The following MCTP1 variants were observed in gnomAD, a reference collection of about 807,000 sequenced individuals.
MCTP1 encodes the protein multiple C2 and transmembrane domain containing 1, also known as multiple C2 and transmembrane domain-containing protein 1.
In MCTP1, 69 loss-of-function variants were observed where a neutral mutation model predicts 120.6. The observed-to-expected ratio is 0.57, with a 90% CI of 0.47 to 0.70. MCTP1 has a LOEUF of 0.70. Ranked by LOEUF, MCTP1 falls within the 30% of genes least tolerant of loss-of-function variation. The pLI, the probability that MCTP1 is intolerant of heterozygous loss-of-function variation, is 0.00. For missense variants in MCTP1, 1,203 were observed against 1,248.8 expected (o/e 0.96, Z 0.55); for synonymous variants, 529 against 493.1 (o/e 1.07, Z -0.96).
At chr5:94,811,462 AG>A (rs1367192619) in intron 17 of MCTP1, among the ~76,000 whole-genome samples, 1 of 152,234 alleles carries the variant, frequency 6.6e-6, no homozygotes, top group Non-Finnish European at 1.5e-5. Context: ...TTACAGTAAA[AG>A]GAAAGGCCCT....
intron 1 of MCTP1, among the ~76,000 whole-genome samples, chr5:95,265,943 G>A (rs1350758800): frequency 6.6e-6 from 1 of 152,162 alleles, no homozygotes; most frequent in Non-Finnish European, 1.5e-5. Context: ...TCTCGCTTCT[G>A]AAAGGCCCAG....
chr5:95,271,064 A>G (rs1422447909), intron 1 of MCTP1, among the ~76,000 whole-genome samples: 1 of 152,204 alleles, frequency 6.6e-6, no homozygotes, highest in Non-Finnish European at 1.5e-5. Context: ...CACACAACAA[A>G]TTTCTGGTAC....
intron 1 of MCTP1, among the ~76,000 whole-genome samples, chr5:95,260,321 CTA>C (rs1161583770): frequency 6.6e-6 from 1 of 152,286 alleles, no homozygotes; most frequent in East Asian, 1.9e-4. Context: ...CAGTCTATTC[CTA>C]TATGTTAGTT....
In MCTP1 at chr5:94,963,469, G is replaced by GT. The variant is rs1300517641; in HGVS notation, c.839-10109dup. Among the ~76,000 whole-genome samples, 704 of 121,758 alleles carry GT rather than the reference G, an allele frequency of 5.8e-3. 5 individuals carry two copies. The Middle Eastern group carries it at 0.066, about 11-fold the overall frequency. 79.9% of individuals were successfully genotyped at this position (121,758 alleles called of 152,430 possible). A position where few individuals can be genotyped will look rare whatever the true frequency, so the allele number is the denominator to read the frequency against. On this transcript the variant is annotated intron_variant, in intron 2 of 22. Coordinates refer to ENST00000515393, the MANE Select transcript of MCTP1 (RefSeq NM_024717.7). ...TTTCTCCAGATCCTGTCCAACACTT[G>GT]TTTTCTTTTTTTTTTTTTAATAATA...
At chr5:95,035,253 T>A (rs566108303) in intron 1 of MCTP1, among the ~76,000 whole-genome samples, 5 of 151,984 alleles carry the variant, frequency 3.3e-5, no homozygotes, top group East Asian at 1.9e-4. Flanking sequence ...ATTATATATT[T>A]AAAAAAACCT....
chr5:95,217,882 G>A (rs1753214889), intron 1 of MCTP1, among the ~76,000 whole-genome samples: 1 of 152,232 alleles, frequency 6.6e-6, no homozygotes, highest in Non-Finnish European at 1.5e-5. Flanking sequence ...TCACTAAATA[G>A]TAGCACAAAA....
intron 4 of MCTP1, among the ~76,000 whole-genome samples, chr5:94,940,424 G>C (rs1817306830): frequency 1.3e-5 from 2 of 150,620 alleles, no homozygotes; most frequent in Non-Finnish European, 3.0e-5. Context: ...GAAGGTTCCA[G>C]AAAGTGGTTG....
chr5:94,874,529 A>T (rs1561786625), intron 12 of MCTP1, among the ~76,000 whole-genome samples: 1 of 152,136 alleles, frequency 6.6e-6, no homozygotes, highest in Non-Finnish European at 1.5e-5. Context: ...ATAATTTAAC[A>T]TCATGGTAGT....
intron 1 of MCTP1, among the ~76,000 whole-genome samples, chr5:95,205,214 A>G (rs542752451): frequency 5.3e-5 from 8 of 152,162 alleles, no homozygotes; most frequent in Non-Finnish European, 1.0e-4. Flanking sequence ...AATTTTTGAC[A>G]AAGGTGCCAA....
chr5:94,883,582 C>G (rs867875016), intron 12 of MCTP1, among the ~76,000 whole-genome samples: 3 of 152,136 alleles, frequency 2.0e-5, no homozygotes, highest in Non-Finnish European at 4.4e-5. Flanking sequence ...ACATTTTATA[C>G]AGTTCTTTGA....
At chr5:95,069,564 G>T (rs904597170) in intron 1 of MCTP1, among the ~76,000 whole-genome samples, 12 of 152,004 alleles carry the variant, frequency 7.9e-5, no homozygotes, top group Non-Finnish European at 1.6e-4. Flanking sequence ...ATGTATGTGT[G>T]TGAAAATAGA....
intron 17 of MCTP1, among the ~76,000 whole-genome samples, chr5:94,806,424 A>G (rs1396195438): frequency 6.6e-6 from 1 of 152,186 alleles, no homozygotes; most frequent in Non-Finnish European, 1.5e-5. Flanking sequence ...GCAATTCCAA[A>G]TTTTAAGATT....
At chr5:94,932,784 T>C (rs1302777397) in intron 5 of MCTP1, among the ~76,000 whole-genome samples, 1 of 151,994 alleles carries the variant, frequency 6.6e-6, no homozygotes. Context: ...TTAAGGCAGA[T>C]GAAGTGGAGA....
At chr5:94,903,310 T>TA (rs1259360587) in intron 10 of MCTP1, among the ~76,000 whole-genome samples, 1 of 152,240 alleles carries the variant, frequency 6.6e-6, no homozygotes, top group Non-Finnish European at 1.5e-5. Context: ...GTGTCACAGA[T>TA]AAAAAACATT....
Position 95,235,417 on chromosome 5 carries a change from C to G in MCTP1, c.720+48439G>C, listed in dbSNP as rs75127116. ...TTAGCAAAAGAAAAGGACGTGCATT[C>G]TTATCACTTCTATTCAATATTTTTC... On this transcript the variant is annotated intron_variant, in intron 1 of 22. Transcript: ENST00000515393. 6.6e-5 allele frequency among the ~76,000 whole-genome samples: 10 copies of G among 151,988 alleles called. No individual in the cohort carries two copies. In the East Asian group the frequency reaches 1.9e-3, roughly 29 times the overall value.
intron 1 of MCTP1, among the ~76,000 whole-genome samples, chr5:95,082,771 C>T (rs1755088598): frequency 6.6e-6 from 1 of 152,046 alleles, no homozygotes; most frequent in African/African-American, 2.4e-5. Context: ...CTTGAGCTAG[C>T]TATATGCAAG....
intron 1 of MCTP1, among the ~76,000 whole-genome samples, chr5:95,195,605 T>C (rs1460671454): frequency 6.6e-6 from 1 of 152,060 alleles, no homozygotes; most frequent in East Asian, 1.9e-4. Flanking sequence ...TGAGTACCAA[T>C]TTGACAGCCA....
At chr5:95,068,897 GT>G (rs1751379445) in intron 1 of MCTP1, 14 of 850,444 alleles carry the variant, frequency 1.6e-5, no homozygotes, top group South Asian at 1.4e-4. Flanking sequence ...ATCAATAGTA[GT>G]TTTTTATAGC....
intron 1 of MCTP1, among the ~76,000 whole-genome samples, chr5:95,033,918 C>A (rs1247156210): frequency 6.6e-6 from 1 of 151,976 alleles, no homozygotes; most frequent in Non-Finnish European, 1.5e-5. Context: ...CATTTCTATA[C>A]ACCAATAATG....
Sources: allele counts gnomAD v4.1 joint callset (sites outside exome capture counted in the v4.1 genomes callset), GRCh38; gene constraint gnomAD v4.1.1; transcripts MANE v1.5; gene names NCBI Gene and HGNC (gene_info 2026-07-23, HGNC 2026-07-21).